The following SLC24A2 variants were observed in gnomAD, a reference collection of about 807,000 sequenced individuals.
The protein encoded by SLC24A2 is solute carrier family 24 member 2, also known as sodium/potassium/calcium exchanger 2.
A neutral mutation model predicts 62.0 loss-of-function variants in SLC24A2; 36 were observed. That is an observed-to-expected ratio of 0.58 (90% CI 0.44 to 0.77). The LOEUF is 0.77. Ranked by LOEUF, SLC24A2 falls within the 30% of genes least tolerant of loss-of-function variation. SLC24A2 has a pLI of 0.00. For missense variants in SLC24A2, 846 were observed against 817.9 expected, an observed-to-expected ratio of 1.03 and a Z score of -0.42; for synonymous variants, 358 against 294.0, an observed-to-expected ratio of 1.22 and a Z score of -2.23.
At chr9:19,722,935 T>C (rs1206958212) in intron 2 of SLC24A2, among the ~76,000 whole-genome samples, 2 of 152,118 alleles carry the variant, frequency 1.3e-5, no homozygotes, top group Non-Finnish European at 2.9e-5. Flanking sequence ...AAAGGCTATT[T>C]TCTTGTCCTA....
chr9:19,790,338 A>G (rs1264860765), upstream of SLC24A2, among the ~76,000 whole-genome samples: 1 of 152,186 alleles, frequency 6.6e-6, no homozygotes, highest in Admixed American at 6.5e-5. Context: ...TTATGAACTC[A>G]TGGACAGTCA....
At chr9:20,064,050 A>C in the SLC24A2 span, among the ~76,000 whole-genome samples, 1 of 152,236 alleles carries the variant, frequency 6.6e-6, no homozygotes. Flanking sequence ...TTACCATAAT[A>C]GCCCCAAACT....
chr9:20,100,420 T>C, the SLC24A2 span, among the ~76,000 whole-genome samples: 1 of 152,188 alleles, frequency 6.6e-6, no homozygotes, highest in Non-Finnish European at 1.5e-5. Flanking sequence ...ACTTCCCAGA[T>C]GTTCCATATT....
At chr9:19,552,508 A>G (rs941589880) in intron 7 of SLC24A2, among the ~76,000 whole-genome samples, 3 of 152,084 alleles carry the variant, frequency 2.0e-5, no homozygotes, top group Non-Finnish European at 2.9e-5. Flanking sequence ...CCCATCTCAC[A>G]TGAGAGATGA....
At chr9:19,590,746 T>C (rs148659102) in intron 5 of SLC24A2, among the ~76,000 whole-genome samples, 1,618 of 152,254 alleles carry the variant, frequency 0.011, 30 homozygotes, top group African/African-American at 0.037. Context: ...CACCCACTCC[T>C]GTGGTAAGCC....
chr9:19,567,351 C>T (rs1255018930), intron 7 of SLC24A2, among the ~76,000 whole-genome samples: 1 of 151,540 alleles, frequency 6.6e-6, no homozygotes, highest in Non-Finnish European at 1.5e-5. Context: ...TCAAGACCTT[C>T]CTGGCTAACA....
At chr9:20,225,697 T>C in the SLC24A2 span, among the ~76,000 whole-genome samples, 2 of 149,732 alleles carry the variant, frequency 1.3e-5, no homozygotes, top group African/African-American at 2.5e-5. Context: ...TTCCTCCTTT[T>C]TGACAATAAA....
the SLC24A2 span, among the ~76,000 whole-genome samples, chr9:20,099,765 C>T: frequency 2.0e-5 from 3 of 152,190 alleles, no homozygotes; most frequent in African/African-American, 7.2e-5. Context: ...AATTCTATAA[C>T]TTGTTCCATT....
At chr9:20,225,727 C>A in the SLC24A2 span, among the ~76,000 whole-genome samples, 1 of 150,130 alleles carries the variant, frequency 6.7e-6, no homozygotes, top group African/African-American at 2.5e-5. Flanking sequence ...AGTTGTATTT[C>A]CTTTCATTGA....
chr9:19,671,809 C>T lies in SLC24A2; in HGVS notation c.931-49510G>A, dbSNP rs192799449. 4.8e-4 allele frequency among the ~76,000 whole-genome samples: 58 copies of T among 120,076 alleles called. 4 individuals carry two copies. The highest frequency in any genetic ancestry group is 1.2e-3 in the African/African-American group (28 of 23,010). 78.8% of individuals were successfully genotyped at this position (120,076 alleles called of 152,430 possible). ...AATGCTTTTCCTGCATCTATTGAGA[C>T]GAACATATGATTTTTGTTTTTAACT... On this transcript the variant is annotated intron_variant, in intron 2 of 10. Coordinates refer to ENST00000341998, the MANE Select transcript of SLC24A2 (RefSeq NM_020344.4).
At chr9:19,531,257 C>T (rs1833695679) in intron 8 of SLC24A2, among the ~76,000 whole-genome samples, 1 of 152,138 alleles carries the variant, frequency 6.6e-6, no homozygotes, top group African/African-American at 2.4e-5. Context: ...TTGGACCATT[C>T]CCCTTACTTG....
chr9:20,201,224 A>G, the SLC24A2 span, among the ~76,000 whole-genome samples: 1 of 152,222 alleles, frequency 6.6e-6, no homozygotes, highest in South Asian at 2.1e-4. Flanking sequence ...TTTTGCCCCA[A>G]ACTTCATCCC....
chr9:19,876,796 T>C, the SLC24A2 span, among the ~76,000 whole-genome samples: 1 of 152,116 alleles, frequency 6.6e-6, no homozygotes, highest in East Asian at 1.9e-4. Context: ...TCCACAAGGG[T>C]TGCTAGAAGA....
At chr9:20,253,895 TG>T in the SLC24A2 span, among the ~76,000 whole-genome samples, 1 of 152,162 alleles carries the variant, frequency 6.6e-6, no homozygotes, top group Non-Finnish European at 1.5e-5. Context: ...TTAGAACCAC[TG>T]GATGCTTCAT....
chr9:19,625,791 A>T (rs1818019426), intron 2 of SLC24A2, among the ~76,000 whole-genome samples: 1 of 151,574 alleles, frequency 6.6e-6, no homozygotes, highest in South Asian at 2.1e-4. Flanking sequence ...GGTTCAAGCA[A>T]TTCTCCTGCC....
At chr9:19,795,062 A>G in the SLC24A2 span, among the ~76,000 whole-genome samples, 1 of 152,186 alleles carries the variant, frequency 6.6e-6, no homozygotes, top group Admixed American at 6.5e-5. Flanking sequence ...GTTTCTGAAT[A>G]CTGAACTAAA....
At chr9:19,815,128 C>T in the SLC24A2 span, among the ~76,000 whole-genome samples, 1 of 152,074 alleles carries the variant, frequency 6.6e-6, no homozygotes, top group Non-Finnish European at 1.5e-5. Flanking sequence ...TCACTACAAA[C>T]CCTGGGCCCT....
the SLC24A2 span, among the ~76,000 whole-genome samples, chr9:19,962,460 G>A: frequency 6.6e-6 from 1 of 152,152 alleles, no homozygotes; most frequent in Non-Finnish European, 1.5e-5. Context: ...GGGCAATATG[G>A]CCATTTTCAC....
chr9:20,204,144 C>A, the SLC24A2 span, among the ~76,000 whole-genome samples: 2 of 152,166 alleles, frequency 1.3e-5, no homozygotes, highest in Admixed American at 6.5e-5. Context: ...ATATTTTGAA[C>A]TATAAATGGG....
Sources: gnomAD v4.1 joint callset for allele counts (sites outside exome capture counted in the v4.1 genomes callset) on GRCh38, gnomAD v4.1.1 for gene constraint, MANE v1.5 for transcripts, NCBI Gene and HGNC (gene_info 2026-07-23, HGNC 2026-07-21) for gene names.